Variants in SNX6 observed in about 807,000 individuals in gnomAD.
The protein encoded by SNX6 is sorting nexin 6, also known as sorting nexin-6.
In SNX6, 34 loss-of-function variants were observed where a neutral mutation model predicts 63.0. That is an observed-to-expected ratio of 0.54 (90% CI 0.41 to 0.72). The LOEUF is 0.72. Among genes scored for constraint, SNX6 ranks in the 30% least tolerant of loss-of-function variants. The pLI, the probability that SNX6 is intolerant of heterozygous loss-of-function variation, is 0.00. For synonymous variants in SNX6, 170 were observed against 164.2 expected, an observed-to-expected ratio of 1.04 and a Z score of -0.27; for missense variants, 398 against 471.4, an observed-to-expected ratio of 0.84 and a Z score of 1.44.
chr14:34,609,623 C>T lies in SNX6; in HGVS notation c.159+15G>A, dbSNP rs1251005079. 6.5e-7 allele frequency: 1 copy of T among 1,535,912 alleles called. No individual in the cohort carries two copies. The highest frequency in any genetic ancestry group is 1.1e-5 in the South Asian group (1 of 87,772). On this transcript the variant is annotated intron_variant, in intron 3 of 13. Coordinates refer to ENST00000362031, the MANE Select transcript of SNX6 (RefSeq NM_152233.4). Reference sequence around the variant, plus strand: ...TAAATGGCTAAAATAATAGAAAGTACAAAATCACATTTACCTTTGTGTGAA... The same window carrying T: ...TAAATGGCTAAAATAATAGAAAGTATAAAATCACATTTACCTTTGTGTGAA...
In SNX6 at chr14:34,563,218, C is replaced by A. The variant is rs776173686; in HGVS notation, c.1168-43G>T. The A allele has an allele frequency of 1.3e-5, 20 of 1,561,686 alleles. 1 individual carries two copies. In the South Asian group the frequency reaches 2.2e-4, roughly 18 times the overall value. On this transcript the variant is annotated intron_variant, in intron 13 of 13. Transcript: ENST00000362031. ...AATAAATTACAAATTTTATTTCAAACAATTCAGAAGACTCCTACTGAAAAT... is the reference window on the plus strand; with the variant it reads ...AATAAATTACAAATTTTATTTCAAAAAATTCAGAAGACTCCTACTGAAAAT...
intron 13 of SNX6, among the ~76,000 whole-genome samples, 166 bp from the exon 14 acceptor site, chr14:34,563,341 G>A (rs542452588): frequency 1.3e-5 from 2 of 152,094 alleles, no homozygotes; most frequent in African/African-American, 2.4e-5. Context: ...GGTGGATCAC[G>A]AGGTCAGGAG....
At chr14:34,620,896 G>C (rs1371134395) in intron 2 of SNX6, among the ~76,000 whole-genome samples, 1 of 151,960 alleles carries the variant, frequency 6.6e-6, no homozygotes, top group East Asian at 1.9e-4. Context: ...GAATTGAGAT[G>C]GTGCCACTGC....
At chr14:34,565,203 G>A (rs1003691208) in intron 13 of SNX6, among the ~76,000 whole-genome samples, 4 of 150,402 alleles carry the variant, frequency 2.7e-5, no homozygotes, top group Non-Finnish European at 4.4e-5. Flanking sequence ...TCAGCTTCCC[G>A]AGTAGCTGGG....
chr14:34,595,301 C>T (rs966268662), intron 7 of SNX6, among the ~76,000 whole-genome samples: 1 of 151,906 alleles, frequency 6.6e-6, no homozygotes, highest in African/African-American at 2.4e-5. Flanking sequence ...CCATGCCTGG[C>T]TAATTTTGTA....
At chr14:34,627,053 C>T (rs1398681298) in intron 2 of SNX6, among the ~76,000 whole-genome samples, 1 of 152,182 alleles carries the variant, frequency 6.6e-6, no homozygotes, top group Non-Finnish European at 1.5e-5. Flanking sequence ...CTCACTCTGT[C>T]ACCCTGGCTC....
At chr14:34,612,305 C>G (rs541571504) in intron 2 of SNX6, among the ~76,000 whole-genome samples, 1 of 152,244 alleles carries the variant, frequency 6.6e-6, no homozygotes, top group South Asian at 2.1e-4. Context: ...TATCTACATC[C>G]AAATTCCTAG....
chr14:34,563,927 C>CG (rs1216994079), intron 13 of SNX6, among the ~76,000 whole-genome samples: 1 of 152,056 alleles, frequency 6.6e-6, no homozygotes, highest in Non-Finnish European at 1.5e-5. Context: ...TTAGTAGAGA[C>CG]GGGGTTTTGC....
At chr14:34,599,688 C>T (rs895507680) in intron 6 of SNX6, among the ~76,000 whole-genome samples, 2 of 150,706 alleles carry the variant, frequency 1.3e-5, no homozygotes, top group Non-Finnish European at 1.5e-5. Context: ...GCTGGAGAAT[C>T]GCTTGCACCT....
chr14:34,623,479 G>T (rs180672959), intron 2 of SNX6, among the ~76,000 whole-genome samples: 133 of 152,206 alleles, frequency 8.7e-4, no homozygotes, highest in Non-Finnish European at 1.7e-3. Flanking sequence ...TTTCACTAAC[G>T]TGCTATATGG....
intron 2 of SNX6, among the ~76,000 whole-genome samples, chr14:34,616,679 C>G (rs1883430288): frequency 6.6e-6 from 1 of 152,134 alleles, no homozygotes; most frequent in Non-Finnish European, 1.5e-5. Flanking sequence ...AAAATGTACA[C>G]AAATTGTCCA....
intron 2 of SNX6, chr14:34,629,706 G>C: frequency 1.1e-6 from 1 of 871,002 alleles, no homozygotes; most frequent in South Asian, 1.5e-5. Flanking sequence ...GCGGCCGCGG[G>C]TCCCCGGGAA....
At chr14:34,606,155 T>C (rs547809610) in intron 4 of SNX6, among the ~76,000 whole-genome samples, 51 of 150,304 alleles carry the variant, frequency 3.4e-4, no homozygotes, top group African/African-American at 1.1e-3. Flanking sequence ...GCCTGGGTGA[T>C]AGAGGAAGAC....
chr14:34,604,054 GGAAA>G (rs750739561), intron 5 of SNX6: 3 of 947,590 alleles, frequency 3.2e-6, no homozygotes, highest in Non-Finnish European at 2.7e-6. Context: ...TCAGTTTGGG[GGAAA>G]AAAAAAAAAA....
intron 7 of SNX6, among the ~76,000 whole-genome samples, chr14:34,596,523 G>A (rs1594725336): frequency 6.6e-6 from 1 of 150,460 alleles, no homozygotes; most frequent in South Asian, 2.1e-4. Context: ...GGAGGCTGAG[G>A]CAGGAGAATT....
chr14:34,586,900 T>A (rs1882181223), intron 8 of SNX6, among the ~76,000 whole-genome samples: 1 of 146,652 alleles, frequency 6.8e-6, no homozygotes, highest in African/African-American at 2.5e-5. Context: ...TCCCAGCTAC[T>A]GGAAAGGCTG....
chr14:34,629,634 C>T (rs1412259543), intron 2 of SNX6: 4 of 682,334 alleles, frequency 5.9e-6, no homozygotes, highest in South Asian at 4.5e-5. Context: ...GCCACCTGCA[C>T]CCCGCCCCGC....
chr14:34,601,932 T>G (rs892187694), intron 6 of SNX6, among the ~76,000 whole-genome samples: 1 of 152,116 alleles, frequency 6.6e-6, no homozygotes, highest in Admixed American at 6.6e-5. Context: ...TTCTGTCAAT[T>G]AATCTACTCA....
intron 2 of SNX6, among the ~76,000 whole-genome samples, chr14:34,619,750 C>A (rs772661733): frequency 6.6e-6 from 1 of 152,134 alleles, no homozygotes; most frequent in East Asian, 1.9e-4. Flanking sequence ...TCCAGTCTGT[C>A]GGCACTCCCT....
Sources: allele counts gnomAD v4.1 joint callset (sites outside exome capture counted in the v4.1 genomes callset), GRCh38; gene constraint gnomAD v4.1.1; transcripts MANE v1.5; gene names NCBI Gene and HGNC (gene_info 2026-07-23, HGNC 2026-07-21).